CPS1: variants seen among roughly 807,000 people sequenced by gnomAD.
CPS1 encodes the protein carbamoyl-phosphate synthase 1.
Under a neutral mutation model 174.6 loss-of-function variants are expected in CPS1, and 109 were observed. That is an observed-to-expected ratio of 0.62 (90% CI 0.53 to 0.73). The LOEUF is 0.73. CPS1 is among the 30% of genes least tolerant of loss of function. The pLI is 0.00. For missense variants in CPS1, 1,689 were observed against 1,821.9 expected, an observed-to-expected ratio of 0.93 and a Z score of 1.33; for synonymous variants, 637 against 632.0, an observed-to-expected ratio of 1.01 and a Z score of -0.12.
At chr2:210,618,204 T>A (rs1399305772) in intron 21 of CPS1, 2 of 152,074 alleles carry the variant, frequency 1.3e-5, no homozygotes, top group Non-Finnish European at 2.9e-5. Flanking sequence ...GACTTCCACA[T>A]TCTGTTGCAT....
intron 12 of CPS1, 84 bp downstream of exon 12, chr2:210,594,690 G>C (rs1428845824): frequency 2.3e-6 from 2 of 881,328 alleles, no homozygotes; most frequent in Non-Finnish European, 3.8e-6. Context: ...GTGATGTAAG[G>C]CATACTAGTG....
At chr2:210,564,063 G>T (rs1697198173) in intron 1 of CPS1, among the ~76,000 whole-genome samples, 1 of 152,222 alleles carries the variant, frequency 6.6e-6, no homozygotes, top group East Asian at 1.9e-4. Flanking sequence ...ATAAATGTAG[G>T]CTTACAATGA....
intron 9 of CPS1, among the ~76,000 whole-genome samples, chr2:210,591,454 C>G (rs1286775720): frequency 6.6e-6 from 1 of 152,000 alleles, no homozygotes; most frequent in African/African-American, 2.4e-5. Flanking sequence ...GCAGTCATCT[C>G]TTTGTTATCT....
At chr2:210,550,365 C>G (rs187301296) in intron 1 of CPS1, among the ~76,000 whole-genome samples, 213 of 151,988 alleles carry the variant, frequency 1.4e-3, no homozygotes, top group African/African-American at 4.9e-3. Flanking sequence ...CCTGTTTTCT[C>G]CAGATATAAT....
intron 28 of CPS1, among the ~76,000 whole-genome samples, chr2:210,653,205 C>T (rs530708862): frequency 4.6e-5 from 7 of 152,184 alleles, no homozygotes; most frequent in Non-Finnish European, 7.4e-5. Context: ...GAATGCAGGG[C>T]CTGGTAAAAA....
chr2:210,536,160 A>G (rs889538238), intron 1 of CPS1, among the ~76,000 whole-genome samples: 4 of 152,158 alleles, frequency 2.6e-5, no homozygotes, highest in Non-Finnish European at 5.9e-5. Flanking sequence ...CTACATGGAG[A>G]TTAAGTTCCT....
intron 1 of CPS1, among the ~76,000 whole-genome samples, chr2:210,486,868 A>C (rs1026585891): frequency 6.6e-6 from 1 of 151,600 alleles, no homozygotes; most frequent in Admixed American, 6.6e-5. Flanking sequence ...CCTTCCTCAC[A>C]CTCTGGCTTT....
intron 14 of CPS1, 35 bp downstream of exon 14, chr2:210,599,596 C>A: frequency 1.2e-5 from 19 of 1,581,628 alleles, no homozygotes; most frequent in Non-Finnish European, 1.7e-5. Context: ...AGAGTTTTGA[C>A]ATATGCACTG....
At chr2:210,639,315 T>TA (rs1700135400) in intron 23 of CPS1, 100 bp downstream of exon 23, 6 of 1,002,904 alleles carry the variant, frequency 6.0e-6, no homozygotes, top group Admixed American at 5.9e-5. Flanking sequence ...ATCTAGGTAA[T>TA]AAAAAAAGGC....
intron 1 of CPS1, among the ~76,000 whole-genome samples, chr2:210,495,807 G>T (rs1694978350): frequency 6.6e-6 from 1 of 152,122 alleles, no homozygotes; most frequent in East Asian, 1.9e-4. Context: ...TCTCTTATTT[G>T]TCACCGAGCA....
intron 20 of CPS1, among the ~76,000 whole-genome samples, chr2:210,615,354 T>C (rs1699272275): frequency 6.6e-6 from 1 of 152,000 alleles, no homozygotes; most frequent in African/African-American, 2.4e-5. Context: ...TTCTGTTAAA[T>C]GTCATCTTAC....
At chr2:210,579,588 A>G in intron 4 of CPS1, 126 bp from the exon 5 acceptor site, 4 of 766,082 alleles carry the variant, frequency 5.2e-6, no homozygotes, top group Non-Finnish European at 9.3e-6. Flanking sequence ...TGGGTCAGAG[A>G]AAAGAAAGAG....
chr2:210,561,751 T>C (rs1479913940), intron 1 of CPS1, among the ~76,000 whole-genome samples: 1 of 152,234 alleles, frequency 6.6e-6, no homozygotes, highest in Non-Finnish European at 1.5e-5. Flanking sequence ...TAGGGATCTT[T>C]AGCTTCCATT....
rs1010251299 is a variant in CPS1, at chr2:210,568,671, A to C, written c.127-4627A>C. On this transcript the variant is annotated intron_variant, in intron 1 of 37. Coordinates refer to ENST00000233072, the MANE Select transcript of CPS1 (RefSeq NM_001875.5). ...GATGTGACTTGACAGTTGTGACTCC[A>C]AGATACACTAGGAAAATATGACAAA... Among the ~76,000 whole-genome samples, 10 of 152,206 alleles carry C rather than the reference A, an allele frequency of 6.6e-5. No individual in the cohort carries two copies. The East Asian group carries it at 1.5e-3, about 23-fold the overall frequency.
chr2:210,567,452 G>A (rs965110490), intron 1 of CPS1, among the ~76,000 whole-genome samples: 2 of 152,066 alleles, frequency 1.3e-5, no homozygotes, highest in Non-Finnish European at 2.9e-5. Context: ...GACCACATCA[G>A]TGAATTAAAA....
intron 1 of CPS1, among the ~76,000 whole-genome samples, chr2:210,482,997 T>G (rs981450653): frequency 3.9e-5 from 6 of 152,208 alleles, no homozygotes; most frequent in African/African-American, 1.4e-4. Flanking sequence ...AACCAGAAAC[T>G]TAAACATATT....
At chr2:210,490,685 C>A (rs899341491) in intron 1 of CPS1, among the ~76,000 whole-genome samples, 4 of 152,126 alleles carry the variant, frequency 2.6e-5, no homozygotes, top group Admixed American at 2.0e-4. Flanking sequence ...CAATGGTGAG[C>A]CAGGGCTATA....
At chr2:210,533,210 G>A (rs1696160078) in intron 1 of CPS1, among the ~76,000 whole-genome samples, 2 of 152,132 alleles carry the variant, frequency 1.3e-5, no homozygotes, top group Non-Finnish European at 2.9e-5. Context: ...TTAATCCATG[G>A]AAATGGTCTC....
intron 18 of CPS1, 54 bp from the exon 19 acceptor site, chr2:210,608,307 C>T: frequency 1.3e-6 from 2 of 1,548,000 alleles, no homozygotes; most frequent in Non-Finnish European, 1.8e-6. Flanking sequence ...ATGTTTTGGT[C>T]TGTTTTCAAT....
Sources: allele counts gnomAD v4.1 joint callset (sites outside exome capture counted in the v4.1 genomes callset), GRCh38; gene constraint gnomAD v4.1.1; transcripts MANE v1.5; gene names NCBI Gene and HGNC (gene_info 2026-07-23, HGNC 2026-07-21).